Variants in CADM2 observed in about 807,000 individuals in gnomAD.
The protein encoded by CADM2 is immunoglobulin superfamily member 4D.
Under a neutral mutation model 49.8 loss-of-function variants are expected in CADM2, and 12 were observed. That is an observed-to-expected ratio of 0.24 (90% CI 0.15 to 0.39). The LOEUF (loss-of-function observed/expected upper bound fraction) is 0.39, where lower values mean the gene tolerates loss of function less well. Among genes scored for constraint, CADM2 ranks in the 10% least tolerant of loss-of-function variants. The pLI is 1.00. For missense variants in CADM2, 378 were observed against 492.3 expected (o/e 0.77, Z 2.20); for synonymous variants, 214 against 175.4 (o/e 1.22, Z -1.74).
chr3:85,644,417 A>T (rs1057491448), intron 1 of CADM2, among the ~76,000 whole-genome samples: 2 of 152,142 alleles, frequency 1.3e-5, no homozygotes, highest in Non-Finnish European at 2.9e-5. Context: ...CAGCATATGA[A>T]TAGTGGTGGA....
chr3:85,779,055 AT>A lies in CADM2; in HGVS notation c.89-22988del, dbSNP rs1271136573. On this transcript the variant is annotated intron_variant, in intron 2 of 9. Transcript: ENST00000383699. ...AATTGATGTTAAATCTAGGGGTGAA[AT>A]TTTGCTTTAAGCCATTGTCCAAATA... 2.6e-5 allele frequency among the ~76,000 whole-genome samples: 4 copies of A among 151,954 alleles called. No homozygotes were observed. The East Asian group carries it at 7.7e-4, about 29-fold the overall frequency.
intron 1 of CADM2, among the ~76,000 whole-genome samples, chr3:85,295,011 A>G (rs1181408227): frequency 1.3e-5 from 2 of 152,054 alleles, no homozygotes; most frequent in Admixed American, 6.6e-5. Context: ...GCAACCTACA[A>G]AATGGGAGAA....
chr3:84,968,956 T>A (rs2031214013), intron 1 of CADM2, among the ~76,000 whole-genome samples: 1 of 152,044 alleles, frequency 6.6e-6, no homozygotes, highest in African/African-American at 2.4e-5. Context: ...ATTTGAATAC[T>A]GGTGGAAGTA....
At chr3:85,367,173 G>T (rs962341530) in intron 1 of CADM2, among the ~76,000 whole-genome samples, 3 of 151,764 alleles carry the variant, frequency 2.0e-5, no homozygotes, top group Non-Finnish European at 4.4e-5. Flanking sequence ...AATTTTAGTA[G>T]CATGTTATTT....
At chr3:85,521,568 T>C (rs2061026448) in intron 1 of CADM2, among the ~76,000 whole-genome samples, 1 of 152,178 alleles carries the variant, frequency 6.6e-6, no homozygotes, top group South Asian at 2.1e-4. Flanking sequence ...AAGTGAATAT[T>C]TGGAAAATGA....
chr3:85,718,467 G>T (rs768354785), intron 1 of CADM2, among the ~76,000 whole-genome samples: 20 of 152,080 alleles, frequency 1.3e-4, no homozygotes, highest in Non-Finnish European at 1.9e-4. Flanking sequence ...TCTATTCTTG[G>T]CTGGAAAGCT....
intron 1 of CADM2, among the ~76,000 whole-genome samples, chr3:85,592,566 C>T (rs921858166): frequency 6.6e-6 from 1 of 151,870 alleles, no homozygotes; most frequent in Admixed American, 6.6e-5. Flanking sequence ...TTTGGGTCAA[C>T]AATACCTTTA....
At chr3:85,702,702 G>C (rs1483266226) in intron 1 of CADM2, among the ~76,000 whole-genome samples, 1 of 152,016 alleles carries the variant, frequency 6.6e-6, no homozygotes, top group Non-Finnish European at 1.5e-5. Flanking sequence ...CCAAAAATCA[G>C]TTTATTTCTT....
intron 1 of CADM2, among the ~76,000 whole-genome samples, chr3:85,286,859 A>G (rs1479661468): frequency 6.6e-6 from 1 of 152,128 alleles, no homozygotes; most frequent in Non-Finnish European, 1.5e-5. Flanking sequence ...ATAATAAAAG[A>G]GAGCAAATAC....
At chr3:85,298,747 G>C (rs1487133521) in intron 1 of CADM2, among the ~76,000 whole-genome samples, 1 of 151,992 alleles carries the variant, frequency 6.6e-6, no homozygotes. Context: ...GTTAAAATTT[G>C]ATAAAATTAG....
intron 3 of CADM2, among the ~76,000 whole-genome samples, chr3:85,844,972 G>A (rs2074807990): frequency 6.6e-6 from 1 of 151,602 alleles, no homozygotes; most frequent in African/African-American, 2.4e-5. Context: ...GCAACAGAGT[G>A]AGATGCCTAT....
intron 1 of CADM2, among the ~76,000 whole-genome samples, chr3:85,468,356 G>T (rs1480421349): frequency 2.0e-5 from 3 of 151,936 alleles, no homozygotes; most frequent in Non-Finnish European, 4.4e-5. Flanking sequence ...GTTAGTGTGG[G>T]TGTGTGGAGT....
chr3:85,001,583 G>T (rs2033464779), intron 1 of CADM2, among the ~76,000 whole-genome samples: 1 of 151,922 alleles, frequency 6.6e-6, no homozygotes, highest in Admixed American at 6.6e-5. Context: ...ATGGTCATTT[G>T]TTAATCTCAA....
At chr3:85,656,049 A>G (rs1177332919) in intron 1 of CADM2, among the ~76,000 whole-genome samples, 2 of 151,998 alleles carry the variant, frequency 1.3e-5, no homozygotes, top group South Asian at 2.1e-4. Context: ...CACATCTTAG[A>G]GCATTGATAT....
chr3:85,842,971 T>C (rs942915454), intron 3 of CADM2, among the ~76,000 whole-genome samples: 2 of 152,102 alleles, frequency 1.3e-5, no homozygotes, highest in African/African-American at 4.8e-5. Context: ...TAACTGCCAG[T>C]TACAGGTAAA....
chr3:85,541,768 TTATATTTTATATA>T (rs1559897686), intron 1 of CADM2, among the ~76,000 whole-genome samples: 9 of 61,026 alleles, frequency 1.5e-4, no homozygotes, highest in Non-Finnish European at 2.5e-4. Context: ...TATATATATT[TTATATTTTATATA>T]TATATATATA....
intron 1 of CADM2, among the ~76,000 whole-genome samples, chr3:85,660,473 T>G (rs2065367632): frequency 6.6e-6 from 1 of 152,046 alleles, no homozygotes; most frequent in African/African-American, 2.4e-5. Flanking sequence ...ATGAACAAAT[T>G]TTCTAGTACA....
intron 1 of CADM2, among the ~76,000 whole-genome samples, chr3:85,150,636 G>T (rs1238498254): frequency 2.0e-5 from 3 of 152,070 alleles, no homozygotes; most frequent in Non-Finnish European, 4.4e-5. Flanking sequence ...TGGGCATTGT[G>T]GCTCACGCCT....
At chr3:86,040,246 G>T (rs1250085325) in intron 8 of CADM2, among the ~76,000 whole-genome samples, 1 of 152,160 alleles carries the variant, frequency 6.6e-6, no homozygotes, top group African/African-American at 2.4e-5. Context: ...TGACTTTGAA[G>T]ACCTGAGAGA....
Sources: allele counts gnomAD v4.1 joint callset (sites outside exome capture counted in the v4.1 genomes callset), GRCh38; gene constraint gnomAD v4.1.1; transcripts MANE v1.5; gene names NCBI Gene and HGNC (gene_info 2026-07-23, HGNC 2026-07-21).